NTM: variants seen among roughly 807,000 people sequenced by gnomAD.
NTM encodes the protein IgLON family member 2.
Under a neutral mutation model 42.1 loss-of-function variants are expected in NTM, and 13 were observed. The observed-to-expected ratio is 0.31, with a 90% CI of 0.20 to 0.49. NTM has a LOEUF of 0.49. Among genes scored for constraint, NTM ranks in the 20% least tolerant of loss-of-function variants. The pLI, the probability that NTM is intolerant of heterozygous loss-of-function variation, is 0.99. For synonymous variants in NTM, 187 were observed against 179.2 expected, an observed-to-expected ratio of 1.04 and a Z score of -0.35; for missense variants, 373 against 452.8, an observed-to-expected ratio of 0.82 and a Z score of 1.60.
intron 2 of NTM, among the ~76,000 whole-genome samples, chr11:132,014,355 G>T: frequency 6.6e-6 from 1 of 152,002 alleles, no homozygotes; most frequent in African/African-American, 2.4e-5. Flanking sequence ...GGTAAATGCG[G>T]GTGCACAGCT....
At chr11:131,626,877 C>T (rs2063155149) in intron 1 of NTM, among the ~76,000 whole-genome samples, 1 of 152,144 alleles carries the variant, frequency 6.6e-6, no homozygotes, top group Non-Finnish European at 1.5e-5. Context: ...CCCTTGTTCC[C>T]CGAATTGCTT....
At position 132,327,311 on chromosome 11, in the gene NTM, G is replaced by A. The variant is rs3781630; in HGVS notation, c.935-2842G>A. On this transcript the variant is annotated intron_variant, in intron 7 of 8. Transcript: ENST00000683400. ...TTGATGGTATCAGTGGGCTGGTAAA[G>A]GTTGACTGATTAATGTCTGTAAACC... is the stretch of plus-strand genomic sequence containing the variant. Among the ~76,000 whole-genome samples, 438 of 152,294 alleles carry A rather than the reference G, an allele frequency of 2.9e-3. 15 individuals are homozygous for A. The East Asian group carries it at 0.063, about 22-fold the overall frequency.
At position 131,712,185 on chromosome 11, in the gene NTM, CAAAA is replaced by C. The variant is rs1054778451; in HGVS notation, c.83-199373_83-199370del. ...AAAATTAAAAAATTAAAAAAAAAAA[CAAAA>C]AAAAACCCCAAAACAAACAAAAAGA... On this transcript the variant is annotated intron_variant, in intron 1 of 8. Transcript: ENST00000683400. 3.0e-5 allele frequency among the ~76,000 whole-genome samples: 4 copies of C among 131,366 alleles called. 1 individual carries two copies. The highest frequency in any genetic ancestry group is 2.6e-4 in the South Asian group (1 of 3,848). 86.2% of individuals were successfully genotyped at this position (131,366 alleles called of 152,430 possible).
chr11:132,217,896 C>T (rs2084257267), intron 4 of NTM, among the ~76,000 whole-genome samples: 1 of 152,046 alleles, frequency 6.6e-6, no homozygotes, highest in Non-Finnish European at 1.5e-5. Flanking sequence ...ACCATACATC[C>T]ACCTATTTTC....
At chr11:132,263,057 T>C (rs564966204) in intron 4 of NTM, among the ~76,000 whole-genome samples, 1 of 152,356 alleles carries the variant, frequency 6.6e-6, no homozygotes, top group Non-Finnish European at 1.5e-5. Flanking sequence ...CCATGAGATC[T>C]TAAGGCTCAA....
At chr11:131,470,064 G>A (rs778690919) in intron 1 of NTM, among the ~76,000 whole-genome samples, 3 of 152,180 alleles carry the variant, frequency 2.0e-5, no homozygotes, top group Non-Finnish European at 4.4e-5. Flanking sequence ...GCTTGCACCT[G>A]TGTGTCTCAT....
At chr11:132,088,650 G>A (rs1018907470) in intron 2 of NTM, among the ~76,000 whole-genome samples, 6 of 152,180 alleles carry the variant, frequency 3.9e-5, no homozygotes, top group African/African-American at 9.7e-5. Context: ...CCTCCAGTGC[G>A]CATGTGGGCC....
intron 1 of NTM, among the ~76,000 whole-genome samples, chr11:131,673,835 C>A (rs978012067): frequency 6.6e-6 from 1 of 152,164 alleles, no homozygotes; most frequent in Non-Finnish European, 1.5e-5. Context: ...AGTGCCAGAA[C>A]AAGGATTTGA....
chr11:132,169,988 T>G (rs986674769), intron 3 of NTM, among the ~76,000 whole-genome samples: 10 of 151,900 alleles, frequency 6.6e-5, no homozygotes, highest in African/African-American at 2.4e-4. Context: ...AGGAAAAGAG[T>G]GAATTTGATT....
At chr11:132,197,534 A>G (rs2080447408) in intron 3 of NTM, among the ~76,000 whole-genome samples, 1 of 151,844 alleles carries the variant, frequency 6.6e-6, no homozygotes, top group Admixed American at 6.6e-5. Flanking sequence ...GTTCTAGGGT[A>G]CATGTGCACA....
chr11:131,827,274 A>G (rs933232675), intron 1 of NTM, among the ~76,000 whole-genome samples: 15 of 152,218 alleles, frequency 9.9e-5, no homozygotes, highest in African/African-American at 3.4e-4. Context: ...CCATACATAT[A>G]CAGATACTTT....
chr11:132,075,412 C>T (rs2058233411), intron 2 of NTM, among the ~76,000 whole-genome samples: 2 of 152,210 alleles, frequency 1.3e-5, no homozygotes, highest in African/African-American at 4.8e-5. Flanking sequence ...TTTTTGGTGA[C>T]TCACCATTAA....
At chr11:131,689,884 C>T (rs2074433345) in intron 1 of NTM, among the ~76,000 whole-genome samples, 1 of 152,228 alleles carries the variant, frequency 6.6e-6, no homozygotes, top group Non-Finnish European at 1.5e-5. Flanking sequence ...TGGTCGTATA[C>T]CTATTACCTG....
chr11:132,031,104 C>T (rs752365562), intron 2 of NTM, among the ~76,000 whole-genome samples: 1 of 152,190 alleles, frequency 6.6e-6, no homozygotes, highest in African/African-American at 2.4e-5. Context: ...CAAAGCAAGG[C>T]ACAGAGCCAA....
intron 1 of NTM, among the ~76,000 whole-genome samples, chr11:131,577,505 C>T (rs1455052045): frequency 6.6e-6 from 1 of 152,204 alleles, no homozygotes; most frequent in Admixed American, 6.5e-5. Flanking sequence ...AGGCAGATTG[C>T]TTCCTTCCTC....
chr11:132,095,909 G>T (rs996445243), intron 2 of NTM, among the ~76,000 whole-genome samples: 1 of 152,184 alleles, frequency 6.6e-6, no homozygotes, highest in Admixed American at 6.5e-5. Context: ...GACTCTTCTC[G>T]TGTGTCAGCT....
intron 3 of NTM, among the ~76,000 whole-genome samples, chr11:132,157,327 T>G (rs1355390150): frequency 6.6e-6 from 1 of 152,226 alleles, no homozygotes; most frequent in East Asian, 1.9e-4. Context: ...TCTTTTTCAT[T>G]ATTTCTTTTT....
intron 1 of NTM, among the ~76,000 whole-genome samples, chr11:131,653,967 A>G (rs1414763026): frequency 6.6e-6 from 1 of 152,204 alleles, no homozygotes; most frequent in Non-Finnish European, 1.5e-5. Flanking sequence ...AAGCTCAACA[A>G]TACCTTCTTC....
chr11:132,292,753 T>C (rs934978939), intron 4 of NTM, among the ~76,000 whole-genome samples: 7 of 75,302 alleles, frequency 9.3e-5, no homozygotes, highest in Non-Finnish European at 1.7e-4. Flanking sequence ...TGATGCGTTA[T>C]AAAATATAAA....
Sources: allele counts gnomAD v4.1 joint callset (sites outside exome capture counted in the v4.1 genomes callset), GRCh38; gene constraint gnomAD v4.1.1; transcripts MANE v1.5; gene names NCBI Gene and HGNC (gene_info 2026-07-23, HGNC 2026-07-21).